Variants in NFIB observed in about 807,000 individuals in gnomAD.
NFIB encodes nuclear factor 1 B-type.
Under a neutral mutation model 61.5 loss-of-function variants are expected in NFIB, and 11 were observed. That is an observed-to-expected ratio of 0.18 (90% CI 0.11 to 0.30). The LOEUF is 0.30. Ranked by LOEUF, NFIB falls within the 10% of genes least tolerant of loss-of-function variation. NFIB has a pLI of 1.00. For missense variants in NFIB, 471 were observed against 608.9 expected, an observed-to-expected ratio of 0.77 and a Z score of 2.38; for synonymous variants, 260 against 216.5, an observed-to-expected ratio of 1.20 and a Z score of -1.76.
the NFIB span, among the ~76,000 whole-genome samples, chr9:14,450,928 T>C: frequency 2.0e-5 from 3 of 152,374 alleles, no homozygotes; most frequent in East Asian, 5.8e-4. Context: ...TTGTCTGTCA[T>C]GCTTTGAATA....
intron 6 of NFIB, among the ~76,000 whole-genome samples, chr9:14,138,924 A>G: frequency 6.6e-6 from 1 of 151,934 alleles, no homozygotes; most frequent in Non-Finnish European, 1.5e-5. Context: ...GTATATGTAA[A>G]ATTTTACCAT....
chr9:14,484,746 G>A, the NFIB span, among the ~76,000 whole-genome samples: 44 of 152,354 alleles, frequency 2.9e-4, no homozygotes, highest in African/African-American at 1.0e-3. Flanking sequence ...ACTCCATTCA[G>A]ATTAGAGGAT....
At chr9:14,132,345 C>T (rs1007889460) in intron 6 of NFIB, among the ~76,000 whole-genome samples, 1 of 152,094 alleles carries the variant, frequency 6.6e-6, no homozygotes, top group Non-Finnish European at 1.5e-5. Flanking sequence ...GTAAACAAGT[C>T]TAAATGAACC....
At chr9:14,392,984 C>A (rs1346269594) in intron 1 of NFIB, among the ~76,000 whole-genome samples, 2 of 152,292 alleles carry the variant, frequency 1.3e-5, no homozygotes, top group East Asian at 1.9e-4. Flanking sequence ...TTTTACAAAT[C>A]AACGGTCTTG....
At chr9:14,281,291 C>A (rs942854346) in intron 2 of NFIB, among the ~76,000 whole-genome samples, 5 of 152,114 alleles carry the variant, frequency 3.3e-5, no homozygotes, top group Non-Finnish European at 5.9e-5. Context: ...AAACTATTAA[C>A]TGTAATGTAC....
intron 2 of NFIB, among the ~76,000 whole-genome samples, chr9:14,188,241 TTAAC>T (rs2047589915): frequency 6.6e-6 from 1 of 152,222 alleles, no homozygotes; most frequent in Non-Finnish European, 1.5e-5. Flanking sequence ...TTTAAATTAA[TTAAC>T]TGACTCAATC....
intron 7 of NFIB, among the ~76,000 whole-genome samples, chr9:14,123,945 T>C (rs1017453167): frequency 2.0e-5 from 3 of 152,198 alleles, no homozygotes; most frequent in Non-Finnish European, 4.4e-5. Flanking sequence ...CCATCACACT[T>C]TAGCTCAGAA....
chr9:14,517,446 G>C, the NFIB span, among the ~76,000 whole-genome samples: 1 of 152,176 alleles, frequency 6.6e-6, no homozygotes, highest in African/African-American at 2.4e-5. Context: ...GATTATGTAG[G>C]TAACACAGTA....
At chr9:14,319,740 G>A (rs562756868) in intron 1 of NFIB, among the ~76,000 whole-genome samples, 1 of 152,328 alleles carries the variant, frequency 6.6e-6, no homozygotes, top group African/African-American at 2.4e-5. Context: ...AAAAGTGCAT[G>A]GCAGAGCAAC....
upstream of NFIB, chr9:14,399,085 A>T (rs1346741850): frequency 5.2e-6 from 1 of 193,500 alleles, no homozygotes; most frequent in East Asian, 8.2e-5. Flanking sequence ...TCAAAAACGT[A>T]GAACACATAA....
chr9:14,170,326 T>C (rs958086877), intron 3 of NFIB, among the ~76,000 whole-genome samples: 7 of 152,066 alleles, frequency 4.6e-5, no homozygotes, highest in African/African-American at 1.2e-4. Context: ...AGAGGAAACT[T>C]TGGATGCAGG....
At chr9:14,127,515 T>C (rs1402725175) in intron 6 of NFIB, among the ~76,000 whole-genome samples, 1 of 152,190 alleles carries the variant, frequency 6.6e-6, no homozygotes, top group African/African-American at 2.4e-5. Flanking sequence ...AGATATCATA[T>C]AACTTTGCTT....
Position 14,120,528 on chromosome 9 carries a change from G to T in NFIB, c.1157C>A (p.Thr386Lys). 1 of 1,614,126 alleles carries T rather than the reference G, an allele frequency of 6.2e-7. No individual in the cohort carries two copies. ...ATTCAGGTGGGGAGGATATCTGATT[G>T]TTGGATGAGAAAAGTAGCTCGATGG... ...PAPSSYFSHP[T>K]IRYPPHLNPQ... Residue 386 changes from threonine to lysine, a missense_variant, in exon 8 of 11, where the codon ACA (threonine) becomes AAA (lysine). Transcript: ENST00000380953. This position sits in a 1 kb window ranked among gnomAD's most constrained non-coding sequence, Gnocchi z 4.4.
intron 7 of NFIB, among the ~76,000 whole-genome samples, chr9:14,123,910 T>C (rs2039293959): frequency 1.3e-5 from 2 of 152,154 alleles, no homozygotes; most frequent in Admixed American, 1.3e-4. Flanking sequence ...TCCTAGTTTG[T>C]TGTTCCTTCT....
At position 14,086,521 on chromosome 9, in the gene NFIB, A is replaced by G. The variant is rs956695800; in HGVS notation, c.*1788T>C. The G allele has an allele frequency of 1.5e-5, 3 of 204,150 alleles. No homozygotes were observed. The highest frequency in any genetic ancestry group is 6.9e-5 in the African/African-American group (3 of 43,694). 12.6% of individuals were successfully genotyped at this position (204,150 alleles called of 1,614,324 possible). A position where few individuals can be genotyped will look rare whatever the true frequency, so the allele number is the denominator to read the frequency against. ...CCAAATATTAATTGGAAGATGAAAA[A>G]CATGAAAGGTTAATAGAAAAAAACA... On this transcript the variant is annotated 3_prime_UTR_variant, in exon 11 of 11. Coordinates refer to ENST00000380953, the MANE Select transcript of NFIB (RefSeq NM_001190737.2).
At chr9:14,496,751 A>G in the NFIB span, among the ~76,000 whole-genome samples, 1 of 152,200 alleles carries the variant, frequency 6.6e-6, no homozygotes, top group African/African-American at 2.4e-5. Flanking sequence ...CCCCTCTCAG[A>G]GCCAGATTTC....
intron 1 of NFIB, among the ~76,000 whole-genome samples, chr9:14,375,561 G>A (rs981913867): frequency 1.3e-5 from 2 of 152,198 alleles, no homozygotes; most frequent in Middle Eastern, 3.4e-3. Context: ...GGGAGGCCGA[G>A]GCAGAAGAAT....
At chr9:14,204,578 A>C (rs1343891687) in intron 2 of NFIB, 1 of 1,302,258 alleles carries the variant, frequency 7.7e-7, no homozygotes, top group Non-Finnish European at 1.1e-6. Context: ...GCAAGAGAAG[A>C]AGCAGAGGCT....
the NFIB span, among the ~76,000 whole-genome samples, chr9:14,420,845 C>T: frequency 6.6e-6 from 1 of 152,132 alleles, no homozygotes; most frequent in Admixed American, 6.5e-5. Flanking sequence ...AGGAGGGAAC[C>T]TCTTGTCTCA....
Sources: allele counts gnomAD v4.1 joint callset (sites outside exome capture counted in the v4.1 genomes callset), GRCh38; gene constraint gnomAD v4.1.1; non-coding constraint Gnocchi (gnomAD v3.1); transcripts MANE v1.5; gene names NCBI Gene and HGNC (gene_info 2026-07-23, HGNC 2026-07-21).